The following FRMD5 variants were observed in gnomAD, a reference collection of about 807,000 sequenced individuals.
FRMD5 encodes FERM domain-containing protein 5.
FRMD5 carries 20 observed loss-of-function variants against 69.0 expected under a neutral mutation model. The ratio of observed to expected loss-of-function variants is 0.29; its 90% CI spans 0.20 to 0.42. The LOEUF (loss-of-function observed/expected upper bound fraction) is 0.42, where lower values mean the gene tolerates loss of function less well. FRMD5 is among the 10% of genes least tolerant of loss of function. The pLI is 1.00. For synonymous variants in FRMD5, 271 were observed against 260.1 expected (o/e 1.04, Z -0.40); for missense variants, 595 against 708.6 (o/e 0.84, Z 1.82).
intron 1 of FRMD5, among the ~76,000 whole-genome samples, chr15:44,075,385 T>C (rs1401485895): frequency 4.6e-5 from 7 of 152,160 alleles, no homozygotes; most frequent in South Asian, 2.1e-4. Context: ...TGAACAGTCA[T>C]AGTTTATTAC....
intron 4 of FRMD5, chr15:43,917,960 C>T (rs1489588864): frequency 6.6e-6 from 1 of 152,474 alleles, no homozygotes; most frequent in South Asian, 2.1e-4. Context: ...CCCTCAACTC[C>T]CATGTGAAGG....
chr15:44,116,118 A>G (rs1243798922), intron 1 of FRMD5, among the ~76,000 whole-genome samples: 1 of 152,006 alleles, frequency 6.6e-6, no homozygotes, highest in East Asian at 1.9e-4. Context: ...GATAAGGAAG[A>G]GGAGGAAAGA....
intron 1 of FRMD5, among the ~76,000 whole-genome samples, chr15:44,099,452 GAC>G (rs1252752914): frequency 2.0e-5 from 3 of 151,756 alleles, no homozygotes; most frequent in Non-Finnish European, 2.9e-5. Flanking sequence ...TAATCTCTTT[GAC>G]ACACATGAAT....
At chr15:44,106,430 C>A (rs561495842) in intron 1 of FRMD5, among the ~76,000 whole-genome samples, 2 of 152,180 alleles carry the variant, frequency 1.3e-5, no homozygotes, top group African/African-American at 4.8e-5. Flanking sequence ...GTAACAGAGG[C>A]CTGCTTGTGT....
chr15:43,942,275 A>C (rs1056563212), intron 1 of FRMD5, among the ~76,000 whole-genome samples: 3 of 152,246 alleles, frequency 2.0e-5, no homozygotes, highest in African/African-American at 7.2e-5. Flanking sequence ...ATTTCAACTA[A>C]TGTCTGAAAT....
chr15:44,098,496 G>T (rs1057479868), intron 1 of FRMD5, among the ~76,000 whole-genome samples: 1 of 146,016 alleles, frequency 6.8e-6, no homozygotes, highest in African/African-American at 2.6e-5. Flanking sequence ...CTGCACTCCA[G>T]CCTGGCGACA....
intron 1 of FRMD5, among the ~76,000 whole-genome samples, chr15:43,996,788 G>C (rs1427895980): frequency 8.6e-6 from 1 of 116,632 alleles, no homozygotes; most frequent in South Asian, 2.7e-4. Flanking sequence ...AAAGTGTTCT[G>C]CATGTTGAAA....
chr15:43,962,113 T>C (rs1372112910), intron 1 of FRMD5, among the ~76,000 whole-genome samples: 1 of 152,180 alleles, frequency 6.6e-6, no homozygotes, highest in East Asian at 1.9e-4. Flanking sequence ...GGAAGTCAAA[T>C]TGTCCCTGTT....
intron 1 of FRMD5, among the ~76,000 whole-genome samples, chr15:43,970,443 G>A (rs919856936): frequency 2.0e-4 from 31 of 152,242 alleles, no homozygotes; most frequent in Admixed American, 1.8e-3. Flanking sequence ...ACTCTTCTTG[G>A]ATGTAGCATT....
chr15:43,935,044 C>T (rs1442439314), intron 1 of FRMD5, among the ~76,000 whole-genome samples: 1 of 152,220 alleles, frequency 6.6e-6, no homozygotes, highest in East Asian at 1.9e-4. Flanking sequence ...GAGGCAGAGC[C>T]TCTGAAACGT....
At chr15:43,904,310 C>T (rs943906341) in intron 6 of FRMD5, among the ~76,000 whole-genome samples, 4 of 152,164 alleles carry the variant, frequency 2.6e-5, no homozygotes, top group Non-Finnish European at 5.9e-5. Context: ...AGTAGATACA[C>T]AAACCTTTTA....
intron 1 of FRMD5, among the ~76,000 whole-genome samples, chr15:44,124,785 TCAGA>T (rs1424563597): frequency 6.6e-6 from 1 of 152,082 alleles, no homozygotes; most frequent in Non-Finnish European, 1.5e-5. Flanking sequence ...CAAGTATCCC[TCAGA>T]AAGAGAACGG....
At chr15:43,990,717 C>T (rs1259326712) in intron 1 of FRMD5, among the ~76,000 whole-genome samples, 2 of 151,980 alleles carry the variant, frequency 1.3e-5, no homozygotes, top group Non-Finnish European at 2.9e-5. Context: ...CCAAAGATTG[C>T]CATGGAAAAT....
intron 1 of FRMD5, among the ~76,000 whole-genome samples, chr15:44,184,406 T>C (rs541267899): frequency 2.1e-4 from 32 of 152,354 alleles, no homozygotes; most frequent in African/African-American, 6.7e-4. Context: ...TTTTATACAA[T>C]ACAGATTTCC....
At chr15:44,106,869 C>T (rs560545584) in intron 1 of FRMD5, among the ~76,000 whole-genome samples, 322 of 152,314 alleles carry the variant, frequency 2.1e-3, no homozygotes, top group Non-Finnish European at 3.9e-3. Flanking sequence ...TTTTTGGTCT[C>T]AGGACCCCTT....
intron 1 of FRMD5, among the ~76,000 whole-genome samples, chr15:44,153,955 G>C (rs1394862354): frequency 6.6e-6 from 1 of 151,806 alleles, no homozygotes; most frequent in Non-Finnish European, 1.5e-5. Flanking sequence ...GTGACGACAG[G>C]GCAAGTCTTA....
intron 1 of FRMD5, among the ~76,000 whole-genome samples, chr15:44,040,164 A>G (rs1892123891): frequency 6.6e-6 from 1 of 152,170 alleles, no homozygotes; most frequent in South Asian, 2.1e-4. Flanking sequence ...ATATGGGACT[A>G]TGTGAGAAGA....
intron 1 of FRMD5, among the ~76,000 whole-genome samples, chr15:44,043,142 A>C (rs530321356): frequency 3.7e-4 from 56 of 152,350 alleles, no homozygotes; most frequent in Middle Eastern, 6.8e-3. Flanking sequence ...TAACAGACAG[A>C]CAGCCAAATC....
chr15:44,030,958 A>C (rs1891652954), intron 1 of FRMD5, among the ~76,000 whole-genome samples: 1 of 119,370 alleles, frequency 8.4e-6, no homozygotes, highest in South Asian at 3.3e-4. Context: ...GGTTTTCCAA[A>C]AGAGACCAGA....
Sources: allele counts gnomAD v4.1 joint callset (sites outside exome capture counted in the v4.1 genomes callset), GRCh38; gene constraint gnomAD v4.1.1; transcripts MANE v1.5; gene names NCBI Gene and HGNC (gene_info 2026-07-23, HGNC 2026-07-21).